CNTLN: variants seen among roughly 807,000 people sequenced by gnomAD.
CNTLN encodes centlein.
Under a neutral mutation model 180.0 loss-of-function variants are expected in CNTLN, and 212 were observed. That is an observed-to-expected ratio of 1.18 (90% CI 1.05 to 1.32). The LOEUF is 1.32. Ranked by LOEUF, CNTLN falls within the 40% of genes most tolerant of loss-of-function variation. CNTLN has a pLI of 0.00. For synonymous variants in CNTLN, 722 were observed against 563.1 expected (o/e 1.28, Z -3.99); for missense variants, 2,095 against 1,610.9 (o/e 1.30, Z -5.14).
chr9:17,174,188 C>T (rs1249247671), intron 2 of CNTLN, among the ~76,000 whole-genome samples: 1 of 152,084 alleles, frequency 6.6e-6, no homozygotes, highest in Non-Finnish European at 1.5e-5. Context: ...ATTTTTATTG[C>T]TGAAGAGTGT....
intron 2 of CNTLN, chr9:17,167,174 C>T (rs1463357960): frequency 5.3e-6 from 1 of 187,836 alleles, no homozygotes; most frequent in Non-Finnish European, 1.1e-5. Context: ...GCTTTATTAA[C>T]ATTTCTCTCC....
chr9:17,348,606 C>T (rs2133270020), intron 12 of CNTLN, among the ~76,000 whole-genome samples: 1 of 151,376 alleles, frequency 6.6e-6, no homozygotes, highest in African/African-American at 2.4e-5. Flanking sequence ...TTTTGGCTCA[C>T]TGCAGCCTCT....
At chr9:17,462,874 G>A (rs761749020) in intron 19 of CNTLN, 42 bp from the exon 20 acceptor site, 1 of 1,073,276 alleles carries the variant, frequency 9.3e-7, no homozygotes, top group Admixed American at 2.8e-5. Context: ...CTTAGACCAA[G>A]GTTGTAAGGT....
intron 14 of CNTLN, among the ~76,000 whole-genome samples, chr9:17,390,235 CTTTTTTTTTT>C (rs35329298): frequency 6.5e-5 from 5 of 77,396 alleles, no homozygotes; most frequent in African/African-American, 9.7e-5. Context: ...AAAAGAGCCT[CTTTTTTTTTT>C]TTTTTTTTTT....
intron 18 of CNTLN, among the ~76,000 whole-genome samples, chr9:17,416,602 C>T (rs1828274783): frequency 6.6e-6 from 1 of 152,130 alleles, no homozygotes; most frequent in Non-Finnish European, 1.5e-5. Context: ...TCATCAGTTA[C>T]TCTTTGCAAA....
At chr9:17,217,502 T>G (rs114734022) in intron 2 of CNTLN, among the ~76,000 whole-genome samples, 1 of 152,200 alleles carries the variant, frequency 6.6e-6, no homozygotes, top group Admixed American at 6.5e-5. Flanking sequence ...AGGACACAGT[T>G]TGAAATGCAA....
intron 2 of CNTLN, among the ~76,000 whole-genome samples, chr9:17,143,643 G>A (rs1006413746): frequency 2.6e-5 from 4 of 152,146 alleles, no homozygotes; most frequent in African/African-American, 9.7e-5. Context: ...GTGTGTGTGT[G>A]TGTCTTGAGC....
rs996618243 is a variant in CNTLN at position 17,486,905 on chromosome 9, A to T, written c.4042-84A>T. On this transcript the variant is annotated intron_variant, in intron 24 of 25. Transcript: ENST00000380647. The stretch of plus-strand genomic sequence containing the variant: ...TGTTGAATCTAATTCTACTGATATT[A>T]CTCCAGATTTATTCAGTATCTAATA... 3 of 645,932 alleles carry T rather than the reference A, an allele frequency of 4.6e-6. No homozygotes were observed. The African/African-American group carries it at 5.7e-5, about 12-fold the overall frequency. 40.0% of individuals were successfully genotyped at this position (645,932 alleles called of 1,614,324 possible).
intron 5 of CNTLN, among the ~76,000 whole-genome samples, chr9:17,244,276 A>G (rs1825674089): frequency 6.6e-6 from 1 of 151,360 alleles, no homozygotes; most frequent in South Asian, 2.1e-4. Context: ...CAGTGGCACG[A>G]TCATGGCTCA....
At chr9:17,396,777 A>C (rs1338526357) in intron 15 of CNTLN, among the ~76,000 whole-genome samples, 3 of 152,184 alleles carry the variant, frequency 2.0e-5, no homozygotes, top group Non-Finnish European at 4.4e-5. Flanking sequence ...GTTGAATCCA[A>C]TGTGCAGACA....
chr9:17,414,404 T>A (rs907325876), intron 16 of CNTLN, among the ~76,000 whole-genome samples: 2 of 152,228 alleles, frequency 1.3e-5, no homozygotes, highest in Middle Eastern at 3.2e-3. Flanking sequence ...CTACTGTTAA[T>A]TTGATACCAA....
the CNTLN span, among the ~76,000 whole-genome samples, chr9:17,521,342 A>G: frequency 6.6e-6 from 1 of 152,096 alleles, no homozygotes; most frequent in Admixed American, 6.6e-5. Flanking sequence ...AGGCACTAAT[A>G]GAGCAATCTT....
At chr9:17,342,695 A>C (rs551222221) in intron 12 of CNTLN, among the ~76,000 whole-genome samples, 6 of 152,260 alleles carry the variant, frequency 3.9e-5, no homozygotes, top group Admixed American at 1.3e-4. Context: ...TGTGGCTCTC[A>C]TCTGTTGGAG....
At chr9:17,165,213 C>A (rs142210522) in intron 2 of CNTLN, among the ~76,000 whole-genome samples, 1,605 of 152,148 alleles carry the variant, frequency 0.011, 32 homozygotes, top group African/African-American at 0.037. Context: ...TGAGAGAATA[C>A]CACATTTTTT....
chr9:17,262,733 A>C, intron 5 of CNTLN, among the ~76,000 whole-genome samples: 1 of 151,332 alleles, frequency 6.6e-6, no homozygotes, highest in East Asian at 1.9e-4. Flanking sequence ...CTGAGAACTT[A>C]AAAAAAATAA....
chr9:17,193,859 A>C (rs1821948912), intron 2 of CNTLN, among the ~76,000 whole-genome samples: 3 of 152,194 alleles, frequency 2.0e-5, no homozygotes, highest in Admixed American at 6.5e-5. Context: ...ACTTCTGCCT[A>C]GGCATCCAGG....
chr9:17,199,430 C>G (rs955905014), intron 2 of CNTLN, among the ~76,000 whole-genome samples: 33 of 152,052 alleles, frequency 2.2e-4, no homozygotes, highest in African/African-American at 6.5e-4. Context: ...CCAGGATGGT[C>G]TCAATCTCCT....
intron 18 of CNTLN, among the ~76,000 whole-genome samples, chr9:17,424,931 G>T (rs751977163): frequency 1.2e-4 from 18 of 152,086 alleles, no homozygotes; most frequent in Non-Finnish European, 1.0e-4. Flanking sequence ...CTTATAAATT[G>T]GCTAGTTTGT....
chr9:17,137,316 A>T (rs1465113273), intron 1 of CNTLN, among the ~76,000 whole-genome samples: 1 of 152,216 alleles, frequency 6.6e-6, no homozygotes, highest in African/African-American at 2.4e-5. Flanking sequence ...CTCTTCGGGA[A>T]TCTTGGGGAA....
Sources: allele counts gnomAD v4.1 joint callset (sites outside exome capture counted in the v4.1 genomes callset), GRCh38; gene constraint gnomAD v4.1.1; transcripts MANE v1.5; gene names NCBI Gene and HGNC (gene_info 2026-07-23, HGNC 2026-07-21).